Variants in STING1 observed in about 807,000 individuals in gnomAD.
STING1 encodes the protein stimulator of interferon response cGAMP interactor 1.
A neutral mutation model predicts 31.6 loss-of-function variants in STING1; 19 were observed. That is an observed-to-expected ratio of 0.60 (90% CI 0.42 to 0.88). The LOEUF (loss-of-function observed/expected upper bound fraction) is 0.88, where lower values mean the gene tolerates loss of function less well. STING1 is among the 40% of genes least tolerant of loss of function. The probability of loss-of-function intolerance (pLI) is 0.00; values close to 1 mark genes in which losing one functional copy is unlikely to be tolerated. For synonymous variants in STING1, 200 were observed against 208.6 expected (o/e 0.96, Z 0.35); for missense variants, 371 against 483.7 (o/e 0.77, Z 2.19).
chr5:139,478,174 G>C, intron 6 of STING1, 96 bp downstream of exon 6: 1 of 935,310 alleles, frequency 1.1e-6, no homozygotes, highest in Non-Finnish European at 1.7e-6. Context: ...CTACAGCTCA[G>C]AGAAGGGCAG....
Position 139,478,465 on chromosome 5 carries a change from G to T in STING1, c.564C>A (p.Asn188Lys). The T allele has an allele frequency of 6.2e-7, 1 of 1,614,206 alleles. No individual in the cohort carries two copies. Among genetic ancestry groups the T allele is most frequent in the Non-Finnish European group, 8.5e-7 (1 of 1,180,040 alleles). ...GCTGGCTCACTGCACCCCGTAGCAG[G>T]TTGTTGTAATGCTGATTGTAAGTTC... ...RIRTYNQHYN[N>K]LLRGAVSQRL... Residue 188 changes from asparagine to lysine, a missense_variant, in exon 6 of 8, where the codon AAC (asparagine) becomes AAA (lysine). By Grantham distance (94) the Asn-to-Lys change is moderately conservative (BLOSUM62 0). Transcript: ENST00000330794.
Position 139,476,449 on chromosome 5 carries a change from C to T in STING1, c.952G>A (p.Ala318Thr), listed in dbSNP as rs1561482019. The change falls in exon 8 of 8, where the codon GCA becomes ACA. Residue 318 changes from alanine (A) to threonine (T), a missense_variant. Transcript: ENST00000330794. ...NCRLIAYQEPADDSSFSLSQE... is the reference protein window; with the variant it reads ...NCRLIAYQEPTDDSSFSLSQE... ...GACAGCGAGAAGCTGCTGTCATCTG[C>T]AGGTTCTGGAACAGGGAGATAGGGG... The T allele has an allele frequency of 5.0e-6, 8 of 1,612,128 alleles. No individual in the cohort carries two copies. Among genetic ancestry groups the T allele is most frequent in the Non-Finnish European group, 6.8e-6 (8 of 1,179,854 alleles).
Position 139,481,342 on chromosome 5 carries a change from C to A in STING1, c.228G>T (p.Arg76Ser), listed in dbSNP as rs1450741219. ...CAGTCCTCCAGTAGCTGCCCCGGTA[C>A]CTGTGAGTGACAGCCAGACCCCAGA... ...LAEELRHIHSRYRGSYWRTVR... is the reference protein window; with the variant it reads ...LAEELRHIHSSYRGSYWRTVR... The change falls in exon 4 of 8, where the codon AGG (arginine) becomes AGT (serine). Residue 76 changes from arginine to serine, a missense_variant and splice_region_variant. By Grantham distance (110) the Arg-to-Ser change is moderately radical. Coordinates refer to ENST00000330794, the MANE Select transcript of STING1 (RefSeq NM_198282.4). The surrounding 1 kb of genome is among the most constrained non-coding windows in gnomAD (Gnocchi z 4.1). The A allele has an allele frequency of 1.3e-6, 2 of 1,588,422 alleles. No individual in the cohort carries two copies. Among genetic ancestry groups the A allele is most frequent in the African/African-American group, 1.3e-5 (1 of 74,672 alleles).
At chr5:139,477,064 G>A (rs1317385619) in intron 7 of STING1, among the ~76,000 whole-genome samples, 1 of 152,120 alleles carries the variant, frequency 6.6e-6, no homozygotes, top group Non-Finnish European at 1.5e-5. Flanking sequence ...AGTACATACT[G>A]GCCTGGGACT....
At chr5:139,479,848 CAAAAAAAAAAAAAAAAAA>C (rs1168023127) in intron 5 of STING1, among the ~76,000 whole-genome samples, 1 of 34,916 alleles carries the variant, frequency 2.9e-5, no homozygotes, top group Non-Finnish European at 4.2e-5. Context: ...ACTAAAAATA[CAAAAAAAAAAAAAAAAAA>C]AAAAAAAAAA....
chr5:139,475,556 AG>A lies in STING1; in HGVS notation c.*704del, dbSNP rs1751629785. On this transcript the variant is annotated 3_prime_UTR_variant, in exon 8 of 8. Coordinates refer to ENST00000330794, the MANE Select transcript of STING1 (RefSeq NM_198282.4). ...GGTAATCTGAGATGTGCTTTAAAAA[AG>A]GACCGTTGAGAAAGGGGTGGAGTAT... The A allele has an allele frequency of 6.6e-6, 1 of 152,280 alleles. No homozygotes were observed. 9.4% of individuals were successfully genotyped at this position (152,280 alleles called of 1,614,324 possible).
intron 4 of STING1, 84 bp from the exon 5 acceptor site, chr5:139,480,982 G>A (rs1751821623): frequency 8.1e-7 from 1 of 1,240,670 alleles, no homozygotes; most frequent in African/African-American, 1.5e-5. Context: ...TTCCCAACCT[G>A]CTCCTGACTT....
Position 139,482,675 on chromosome 5 carries a change from C to T in STING1, c.-219G>A, listed in dbSNP as rs553375471. ...GCACACACATCACACGATGATTCCC[C>T]GTCTCATATTTTTCTTCTGGTTTCC... On this transcript the variant is annotated 5_prime_UTR_variant, in exon 1 of 8. Transcript: ENST00000330794. The T allele has an allele frequency of 3.3e-5, 5 of 152,408 alleles. No individual in the cohort carries two copies. Among genetic ancestry groups the T allele is most frequent in the East Asian group, 1.9e-4 (1 of 5,190 alleles). 9.4% of individuals were successfully genotyped at this position (152,408 alleles called of 1,614,324 possible). A position where few individuals can be genotyped will look rare whatever the true frequency, so the allele number is the denominator to read the frequency against.
intron 6 of STING1, 45 bp downstream of exon 6, chr5:139,478,225 G>A (rs1438388698): frequency 6.9e-7 from 1 of 1,458,696 alleles, no homozygotes. Flanking sequence ...AGGGTTCTGG[G>A]GTCCTGACCC....
In STING1 at chr5:139,480,794, C is replaced by A. The variant is rs1322356629; in HGVS notation, c.516G>T (p.Leu172=). 1.9e-6 allele frequency: 3 copies of A among 1,610,884 alleles called. No individual in the cohort carries two copies. Among genetic ancestry groups the A allele is most frequent in the Middle Eastern group, 1.7e-4 (1 of 6,054 alleles). Residue 172 remains leucine, a synonymous_variant, in exon 5 of 8, where the codon CTG becomes CTT. Coordinates refer to ENST00000330794, the MANE Select transcript of STING1 (RefSeq NM_198282.4). ...GGGGCAGAGAGGATGGCCCACCTGG[C>A]AGGATCAGCCGCAGATATCCGATGT... The part of the protein sequence containing the change: ...SYYIGYLRLI[L]PELQARIRTY...
intron 5 of STING1, among the ~76,000 whole-genome samples, chr5:139,479,942 C>T (rs576154953): frequency 5.1e-5 from 7 of 136,116 alleles, no homozygotes; most frequent in Admixed American, 2.3e-4. Context: ...AGGCAGAGGT[C>T]GCAGTGAGCT....
At chr5:139,480,923 G>A in intron 4 of STING1, 25 bp from the exon 5 acceptor site, 1 of 1,573,524 alleles carries the variant, frequency 6.4e-7, no homozygotes, top group Non-Finnish European at 8.7e-7. Flanking sequence ...ATGTGGCTGG[G>A]GGGCCTCCAT....
In STING1 at chr5:139,480,812, T is replaced by C. The variant is rs1713610226; in HGVS notation, c.498A>G (p.Gly166=). 13 of 1,613,528 alleles carry C rather than the reference T, an allele frequency of 8.1e-6. No individual in the cohort carries two copies. The highest frequency in any genetic ancestry group is 1.3e-5 in the African/African-American group (1 of 74,880). ...AHGLAWSYYI[G]YLRLILPELQ... is the part of the protein sequence containing the mutation. ...CACCTGGCAGGATCAGCCGCAGATA[T>C]CCGATGTAATATGACCATGCCAGCC... The change falls in exon 5 of 8, where the codon GGA becomes GGG. Residue 166 remains glycine, a synonymous_variant. Transcript: ENST00000330794.
intron 2 of STING1, 125 bp downstream of exon 2, chr5:139,482,085 C>A (rs1282171541): frequency 5.8e-6 from 1 of 173,684 alleles, no homozygotes; most frequent in Admixed American, 6.2e-5. Context: ...CCAGGGAGGA[C>A]CTTAGTCAAC....
rs1047355852 is a variant in STING1 at position 139,476,340 on chromosome 5, G to A, written c.1061C>T (p.Thr354Ile). 6.2e-7 allele frequency: 1 copy of A among 1,612,536 alleles called. No homozygotes were observed. The highest frequency in any genetic ancestry group is 1.1e-5 in the South Asian group (1 of 90,878). ...GSLKTSAVPS[T>I]STMSQEPELL... is the part of the protein sequence containing the mutation. ...CTCAGGCTCTTGGGACATCGTGGAG[G>A]TACTGGGCACCGCTGAGGTCTTCAA... Residue 354 changes from threonine to isoleucine, a missense_variant, in exon 8 of 8, where the codon ACC becomes ATC. Thr to Ile is a moderately conservative substitution (Grantham distance 89). Transcript: ENST00000330794.
intron 7 of STING1, 103 bp from the exon 8 acceptor site, chr5:139,476,557 C>T (rs113151273): frequency 6.7e-5 from 69 of 1,025,720 alleles, no homozygotes; most frequent in East Asian, 5.5e-4. Flanking sequence ...CTCCCTACCC[C>T]CCTTCCTACC....
At chr5:139,477,144 G>A (rs981171746) in intron 7 of STING1, among the ~76,000 whole-genome samples, 185 bp downstream of exon 7, 2 of 152,120 alleles carry the variant, frequency 1.3e-5, no homozygotes, top group Non-Finnish European at 1.5e-5. Flanking sequence ...GCTCCCCTGA[G>A]GGATTACAGT....
At position 139,476,244 on chromosome 5, in the gene STING1, C is replaced by CA; in HGVS notation, c.*16_*17insT. Reference sequence around the variant, plus strand: ...GCTTGGAGACCACTGGAGGCTCTGGCCTGGTGACCCTGGGTCTCAAGAGAA... The same window carrying CA: ...GCTTGGAGACCACTGGAGGCTCTGGCACTGGTGACCCTGGGTCTCAAGAGAA... On this transcript the variant is annotated 3_prime_UTR_variant, in exon 8 of 8. Transcript: ENST00000330794. 1 of 1,555,362 alleles carries CA rather than the reference C, an allele frequency of 6.4e-7. No homozygotes were observed. The highest frequency in any genetic ancestry group is 8.7e-7 in the Non-Finnish European group (1 of 1,149,396).
In STING1 at chr5:139,477,659, CACCCT is replaced by C. The variant is rs1316494252; in HGVS notation, c.760-149_760-145del. 49 of 804,488 alleles carry C rather than the reference CACCCT, an allele frequency of 6.1e-5. No homozygotes were observed. In the African/African-American group the frequency reaches 8.0e-4, roughly 13 times the overall value. 49.8% of individuals were successfully genotyped at this position (804,488 alleles called of 1,614,324 possible). Reference sequence around the variant, plus strand: ...TAACGATAGAGTCCTGGGAGGTGGCCACCCTAATGGGGTCTATGCTGTCTGGCCTG... The same window carrying C: ...TAACGATAGAGTCCTGGGAGGTGGCCAATGGGGTCTATGCTGTCTGGCCTG... On this transcript the variant is annotated intron_variant, in intron 6 of 7. Transcript: ENST00000330794.
Sources: allele counts gnomAD v4.1 joint callset (sites outside exome capture counted in the v4.1 genomes callset), GRCh38; gene constraint gnomAD v4.1.1; non-coding constraint Gnocchi (gnomAD v3.1); transcripts MANE v1.5; gene names NCBI Gene and HGNC (gene_info 2026-07-23, HGNC 2026-07-21).